Variants in KAZN observed in about 807,000 individuals in gnomAD.
KAZN encodes the protein kazrin, periplakin interacting protein, also known as kazrin.
In KAZN, 40 loss-of-function variants were observed where a neutral mutation model predicts 87.4. The ratio of observed to expected loss-of-function variants is 0.46; its 90% CI spans 0.36 to 0.60. The LOEUF (loss-of-function observed/expected upper bound fraction) is 0.60, where lower values mean the gene tolerates loss of function less well. Among genes scored for constraint, KAZN ranks in the 20% least tolerant of loss-of-function variants. KAZN has a pLI of 0.00. For synonymous variants in KAZN, 466 were observed against 458.3 expected (o/e 1.02, Z -0.22); for missense variants, 898 against 1,073.9 (o/e 0.84, Z 2.29).
chr1:14,773,000 C>T (rs1645062673), intron 1 of KAZN, among the ~76,000 whole-genome samples: 1 of 152,040 alleles, frequency 6.6e-6, no homozygotes, highest in Admixed American at 6.5e-5. Context: ...CCCCACCAGC[C>T]AAGAGAATGG....
intron 2 of KAZN, among the ~76,000 whole-genome samples, chr1:14,474,487 A>G (rs1668615579): frequency 6.6e-6 from 1 of 152,206 alleles, no homozygotes; most frequent in African/African-American, 2.4e-5. Context: ...CACTCCTGAA[A>G]TAAGAACGTA....
chr1:14,262,376 T>C (rs1274546774), intron 2 of KAZN, among the ~76,000 whole-genome samples: 1 of 152,226 alleles, frequency 6.6e-6, no homozygotes, highest in Non-Finnish European at 1.5e-5. Context: ...AGATAACCTA[T>C]GTGGAAACTT....
chr1:14,497,195 AC>A (rs1429382552), intron 2 of KAZN, among the ~76,000 whole-genome samples: 4 of 152,080 alleles, frequency 2.6e-5, no homozygotes, highest in African/African-American at 9.7e-5. Context: ...CACCCTTTAC[AC>A]TCAGAGATTC....
At chr1:14,009,352 A>T (rs1640181794) in intron 1 of KAZN, among the ~76,000 whole-genome samples, 1 of 152,044 alleles carries the variant, frequency 6.6e-6, no homozygotes, top group African/African-American at 2.4e-5. Context: ...TCATATGGTA[A>T]TTCTATTTTT....
At chr1:14,718,787 T>G (rs1642941792) in intron 1 of KAZN, among the ~76,000 whole-genome samples, 1 of 152,156 alleles carries the variant, frequency 6.6e-6, no homozygotes, top group Non-Finnish European at 1.5e-5. Flanking sequence ...AACTACTGAA[T>G]CCGCACCCTT....
intron 1 of KAZN, among the ~76,000 whole-genome samples, chr1:14,722,903 G>A (rs78633162): frequency 0.019 from 2,926 of 152,174 alleles, 53 homozygotes; most frequent in Non-Finnish European, 0.03. Context: ...AGGTGGGAGG[G>A]TCATTTGAAG....
chr1:14,404,323 A>G (rs766431198), intron 2 of KAZN, among the ~76,000 whole-genome samples: 1 of 152,194 alleles, frequency 6.6e-6, no homozygotes, highest in Non-Finnish European at 1.5e-5. Flanking sequence ...CAACTTGCTT[A>G]TCTGTGTCTG....
rs12562900 is a variant in KAZN, at chr1:14,343,650, A to G, written c.249+163058A>G. ...CTTTTGAAAACCATGTTTGATTTTTATTGATTCAGACTGGAACCCGAAATC... is the reference window on the plus strand; with the variant it reads ...CTTTTGAAAACCATGTTTGATTTTTGTTGATTCAGACTGGAACCCGAAATC... On this transcript the variant is annotated intron_variant, in intron 2 of 16. Transcript: ENST00000636203. Among the ~76,000 whole-genome samples the G allele has an allele frequency of 6.3e-3, 964 of 152,280 alleles. 33 individuals carry two copies. The East Asian group carries it at 0.11, about 17-fold the overall frequency.
chr1:14,519,907 T>C (rs574139768), intron 2 of KAZN, among the ~76,000 whole-genome samples: 19 of 151,954 alleles, frequency 1.3e-4, no homozygotes, highest in African/African-American at 4.3e-4. Flanking sequence ...GAACATAGAG[T>C]GTCCTCAGGC....
chr1:15,109,879 ATG>A (rs1641443848), intron 13 of KAZN, among the ~76,000 whole-genome samples: 2 of 149,296 alleles, frequency 1.3e-5, no homozygotes, highest in South Asian at 4.3e-4. Context: ...GTGTATGTGC[ATG>A]TGTGTGCTTG....
At chr1:14,478,176 G>C (rs1668859120) in intron 2 of KAZN, among the ~76,000 whole-genome samples, 1 of 151,888 alleles carries the variant, frequency 6.6e-6, no homozygotes, top group South Asian at 2.1e-4. Flanking sequence ...GGACTGAGAT[G>C]GGTGGAGAGA....
chr1:13,935,864 G>A (rs1190054766), intron 1 of KAZN, among the ~76,000 whole-genome samples: 1 of 50,004 alleles, frequency 2.0e-5, no homozygotes, highest in Non-Finnish European at 3.4e-5. Flanking sequence ...ACATCCTAAT[G>A]TGTGTGTGTG....
intron 4 of KAZN, among the ~76,000 whole-genome samples, chr1:15,049,574 AAGT>A (rs528670030): frequency 5.8e-4 from 89 of 152,208 alleles, no homozygotes; most frequent in African/African-American, 2.0e-3. Flanking sequence ...CCCCTCCATC[AAGT>A]AGGACATTTT....
At chr1:14,427,600 TA>T (rs1252274087) in intron 2 of KAZN, among the ~76,000 whole-genome samples, 1 of 114,412 alleles carries the variant, frequency 8.7e-6, no homozygotes, top group Non-Finnish European at 1.8e-5. Flanking sequence ...TATACATGTA[TA>T]CTGTGTGTGT....
Position 14,770,008 on chromosome 1 carries a change from C to T in KAZN, c.226+170785C>T, listed in dbSNP as rs2100586585. 2.0e-5 allele frequency among the ~76,000 whole-genome samples: 3 copies of T among 152,176 alleles called. 1 individual carries two copies. The South Asian group carries it at 6.2e-4, about 32-fold the overall frequency. ...GATAAAGCCAAGTGAACAGTGGGAG[C>T]AGGATGTGCAAAGGTCCTGAGGTAG... On this transcript the variant is annotated intron_variant, in intron 1 of 14. Coordinates refer to ENST00000376030, the MANE Select transcript of KAZN (RefSeq NM_201628.3).
chr1:14,640,502 A>G (rs1680337071), intron 1 of KAZN, among the ~76,000 whole-genome samples: 1 of 152,232 alleles, frequency 6.6e-6, no homozygotes, highest in South Asian at 2.1e-4. Flanking sequence ...GATTGGCTAT[A>G]CTTGGTTTCT....
intron 2 of KAZN, among the ~76,000 whole-genome samples, chr1:14,491,070 AT>A (rs1557755349): frequency 6.6e-6 from 1 of 152,204 alleles, no homozygotes; most frequent in African/African-American, 2.4e-5. Context: ...CTTCTTTTGT[AT>A]CTCAAAAAGA....
intron 1 of KAZN, among the ~76,000 whole-genome samples, chr1:14,942,617 A>G (rs1279716520): frequency 1.3e-5 from 2 of 152,122 alleles, no homozygotes; most frequent in South Asian, 2.1e-4. Flanking sequence ...AAGGAAAAAC[A>G]TGTTTTGGCA....
chr1:14,805,423 G>A (rs913237697), intron 1 of KAZN, among the ~76,000 whole-genome samples: 3 of 152,112 alleles, frequency 2.0e-5, no homozygotes, highest in South Asian at 2.1e-4. Context: ...TGGCCAGAAC[G>A]TGGCTGCACT....
Sources: allele counts gnomAD v4.1 joint callset (sites outside exome capture counted in the v4.1 genomes callset), GRCh38; gene constraint gnomAD v4.1.1; transcripts MANE v1.5; gene names NCBI Gene and HGNC (gene_info 2026-07-23, HGNC 2026-07-21).